Variants in ABCG2 observed in about 807,000 individuals in gnomAD.
ABCG2 encodes the protein ATP binding cassette subfamily G member 2 (JR blood group).
Under a neutral mutation model 73.5 loss-of-function variants are expected in ABCG2, and 80 were observed. The ratio of observed to expected loss-of-function variants is 1.09; its 90% CI spans 0.91 to 1.31. The LOEUF (loss-of-function observed/expected upper bound fraction) is 1.31. ABCG2 is among the 50% of genes most tolerant of loss of function. The pLI is 0.00. For missense variants in ABCG2, 796 were observed against 786.2 expected, an observed-to-expected ratio of 1.01 and a Z score of -0.15; for synonymous variants, 269 against 282.4, an observed-to-expected ratio of 0.95 and a Z score of 0.48.
intron 1 of ABCG2, among the ~76,000 whole-genome samples, chr4:88,224,150 C>T (rs994857230): frequency 1.3e-5 from 2 of 152,130 alleles, no homozygotes; most frequent in African/African-American, 4.8e-5. Context: ...TGTCTTTTAA[C>T]TCTCTTGAAA....
intron 1 of ABCG2, among the ~76,000 whole-genome samples, chr4:88,165,471 T>C (rs564987178): frequency 1.8e-4 from 28 of 152,336 alleles, no homozygotes; most frequent in African/African-American, 6.7e-4. Flanking sequence ...TGACCCTGCT[T>C]CTGTCATCAC....
At chr4:88,190,527 A>G (rs1055772189) in intron 1 of ABCG2, among the ~76,000 whole-genome samples, 6 of 152,226 alleles carry the variant, frequency 3.9e-5, no homozygotes, top group Non-Finnish European at 7.3e-5. Flanking sequence ...CTTGAAGATG[A>G]GTTACTCAGC....
chr4:88,149,905 A>T (rs1416456710), intron 1 of ABCG2, among the ~76,000 whole-genome samples: 1 of 152,176 alleles, frequency 6.6e-6, no homozygotes, highest in African/African-American at 2.4e-5. Context: ...TCTGGCAGGC[A>T]CTGGACTTAC....
intron 1 of ABCG2, among the ~76,000 whole-genome samples, chr4:88,212,835 C>A (rs1414519370): frequency 6.6e-6 from 1 of 152,158 alleles, no homozygotes; most frequent in Non-Finnish European, 1.5e-5. Context: ...TGTGCCTGTA[C>A]CCCTGCAGTT....
At chr4:88,113,262 A>G in intron 9 of ABCG2, 41 bp downstream of exon 9, 1 of 1,598,020 alleles carries the variant, frequency 6.3e-7, no homozygotes, top group Non-Finnish European at 8.5e-7. Flanking sequence ...ACAGAACCAC[A>G]TTGTTCCCAT....
At chr4:88,108,159 AAG>A (rs1242641122) in intron 9 of ABCG2, among the ~76,000 whole-genome samples, 4 of 136,242 alleles carry the variant, frequency 2.9e-5, no homozygotes, top group Non-Finnish European at 6.3e-5. Flanking sequence ...GGGTTAATTT[AAG>A]GGTTACGTTA....
At chr4:88,154,662 A>T (rs1348084964) in intron 1 of ABCG2, among the ~76,000 whole-genome samples, 1 of 152,162 alleles carries the variant, frequency 6.6e-6, no homozygotes, top group African/African-American at 2.4e-5. Flanking sequence ...TCAGAGAGAT[A>T]GTCATGGGGG....
At chr4:88,171,928 G>C (rs1366605553) in intron 1 of ABCG2, among the ~76,000 whole-genome samples, 4 of 152,132 alleles carry the variant, frequency 2.6e-5, no homozygotes, top group African/African-American at 4.8e-5. Context: ...CCAGGCCACA[G>C]TGTGCTATGA....
At chr4:88,230,835 A>C (rs1306400429) in intron 1 of ABCG2, among the ~76,000 whole-genome samples, 1 of 152,230 alleles carries the variant, frequency 6.6e-6, no homozygotes, top group Non-Finnish European at 1.5e-5. Context: ...TGAGTTCTGC[A>C]GAGCCTGCGT....
chr4:88,221,316 T>G (rs1474313609), intron 1 of ABCG2, among the ~76,000 whole-genome samples: 1 of 152,134 alleles, frequency 6.6e-6, no homozygotes, highest in Non-Finnish European at 1.5e-5. Context: ...TCTCGGGTAT[T>G]TTTTCATAGC....
chr4:88,227,030 G>T (rs139968558), intron 1 of ABCG2, among the ~76,000 whole-genome samples: 1 of 152,248 alleles, frequency 6.6e-6, no homozygotes, highest in East Asian at 1.9e-4. Flanking sequence ...AAGCCTTGAG[G>T]TAGAGGCTGT....
chr4:88,209,788 A>G (rs558651944), intron 1 of ABCG2, among the ~76,000 whole-genome samples: 1 of 152,344 alleles, frequency 6.6e-6, no homozygotes, highest in Non-Finnish European at 1.5e-5. Context: ...GGTGTTGGCA[A>G]TGTTATATAA....
At chr4:88,142,535 G>A (rs1394391663) in intron 1 of ABCG2, among the ~76,000 whole-genome samples, 7 of 152,156 alleles carry the variant, frequency 4.6e-5, no homozygotes, top group Non-Finnish European at 7.3e-5. Context: ...CACAATGAAT[G>A]GTAATAATTA....
At chr4:88,169,865 C>G (rs1248940539) in intron 1 of ABCG2, among the ~76,000 whole-genome samples, 1 of 152,110 alleles carries the variant, frequency 6.6e-6, no homozygotes, top group South Asian at 2.1e-4. Flanking sequence ...ATTCCCAGCA[C>G]TTTGAGAGGC....
chr4:88,092,279 G>T lies in ABCG2; in HGVS notation c.1923C>A (p.Leu641=), dbSNP rs1178297276. 6.2e-7 allele frequency: 1 copy of T among 1,612,566 alleles called. No individual in the cohort carries two copies. The part of the protein sequence containing the change: ...VALACMIVIF[L]TIAYLKLLFL... Reference sequence around the variant, plus strand: ...ATAACAATTTCAGGTAGGCAATTGTGAGGAAAATAACAATCATACAAGCCA... The same window carrying T: ...ATAACAATTTCAGGTAGGCAATTGTTAGGAAAATAACAATCATACAAGCCA... The change falls in exon 16 of 16, where the codon CTC becomes CTA. Residue 641 remains leucine (L), a synonymous_variant. Transcript: ENST00000237612.
At chr4:88,124,265 A>G (rs573010030) in intron 5 of ABCG2, among the ~76,000 whole-genome samples, 1 of 152,214 alleles carries the variant, frequency 6.6e-6, no homozygotes, top group Non-Finnish European at 1.5e-5. Context: ...TTAATGGGCA[A>G]AATAACCAGC....
intron 1 of ABCG2, among the ~76,000 whole-genome samples, chr4:88,143,572 C>T (rs1464575149): frequency 6.6e-6 from 1 of 152,144 alleles, no homozygotes; most frequent in Non-Finnish European, 1.5e-5. Flanking sequence ...CTTATAAATA[C>T]AATCACAATC....
intron 1 of ABCG2, among the ~76,000 whole-genome samples, chr4:88,143,976 A>G (rs1725805019): frequency 6.6e-6 from 1 of 152,192 alleles, no homozygotes; most frequent in African/African-American, 2.4e-5. Flanking sequence ...TAAAAGTAAC[A>G]ACTACCTTTA....
chr4:88,215,589 T>C (rs1673561115), intron 1 of ABCG2, among the ~76,000 whole-genome samples: 1 of 152,096 alleles, frequency 6.6e-6, no homozygotes, highest in African/African-American at 2.4e-5. Context: ...GCAGTGAAAA[T>C]GTGTGCTTTC....
Sources: allele counts gnomAD v4.1 joint callset (sites outside exome capture counted in the v4.1 genomes callset), GRCh38; gene constraint gnomAD v4.1.1; transcripts MANE v1.5; gene names NCBI Gene and HGNC (gene_info 2026-07-23, HGNC 2026-07-21).